The following AUTS2 variants were observed in gnomAD, a reference collection of about 807,000 sequenced individuals.
AUTS2 encodes autism susceptibility gene 2 protein.
In AUTS2, 17 loss-of-function variants were observed where a neutral mutation model predicts 112.4. The ratio of observed to expected loss-of-function variants is 0.15; its 90% confidence interval spans 0.10 to 0.23. AUTS2 has a LOEUF of 0.23. AUTS2 is among the 10% of genes least tolerant of loss of function. AUTS2 has a pLI of 1.00. For missense variants in AUTS2, 1,510 were observed against 1,701.6 expected, an observed-to-expected ratio of 0.89 and a Z score of 1.98; for synonymous variants, 751 against 702.7, an observed-to-expected ratio of 1.07 and a Z score of -1.09.
At chr7:70,100,916 C>A (rs1208456229) in intron 2 of AUTS2, among the ~76,000 whole-genome samples, 1 of 152,072 alleles carries the variant, frequency 6.6e-6, no homozygotes, top group Non-Finnish European at 1.5e-5. Context: ...CTCCTTCTAT[C>A]CCCCAGGCTG....
intron 4 of AUTS2, among the ~76,000 whole-genome samples, chr7:70,257,232 C>T (rs1180950597): frequency 1.3e-5 from 2 of 152,170 alleles, no homozygotes; most frequent in Middle Eastern, 3.2e-3. Flanking sequence ...CCTCGACCTC[C>T]TGGACTCAAG....
chr7:70,177,154 A>C (rs1016714253), intron 4 of AUTS2, among the ~76,000 whole-genome samples: 6 of 152,168 alleles, frequency 3.9e-5, no homozygotes, highest in Admixed American at 2.6e-4. Flanking sequence ...TAAATTTTCA[A>C]ATTTTATAAA....
At chr7:69,899,186 A>G in intron 1 of AUTS2, 100 bp from the exon 2 acceptor site, 1 of 848,536 alleles carries the variant, frequency 1.2e-6, no homozygotes, top group Non-Finnish European at 1.9e-6. Flanking sequence ...TCCCTCTCCC[A>G]CTTAGTAGTA....
intron 2 of AUTS2, among the ~76,000 whole-genome samples, chr7:69,937,089 G>C (rs1030651368): frequency 2.0e-5 from 3 of 152,116 alleles, no homozygotes; most frequent in African/African-American, 7.2e-5. Context: ...GATGTGGAGT[G>C]GCCAGATGAC....
intron 2 of AUTS2, among the ~76,000 whole-genome samples, chr7:69,949,606 A>G (rs756063197): frequency 6.6e-6 from 1 of 152,230 alleles, no homozygotes; most frequent in Non-Finnish European, 1.5e-5. Context: ...TATATAGTCT[A>G]AACTTAGATT....
chr7:69,841,060 A>T (rs1379053778), intron 1 of AUTS2, among the ~76,000 whole-genome samples: 1 of 152,168 alleles, frequency 6.6e-6, no homozygotes, highest in East Asian at 1.9e-4. Flanking sequence ...ACTTAGCATC[A>T]CAGTGGTAGG....
chr7:70,126,634 C>T (rs1805984424), intron 3 of AUTS2, among the ~76,000 whole-genome samples: 2 of 152,062 alleles, frequency 1.3e-5, no homozygotes. Flanking sequence ...ATATTGCTTC[C>T]AACTTAAACA....
chr7:70,410,402 A>T (rs757432419), intron 4 of AUTS2, among the ~76,000 whole-genome samples: 16 of 96,758 alleles, frequency 1.7e-4, no homozygotes, highest in African/African-American at 7.0e-4. Context: ...TTTGTCTTTT[A>T]TTTATTTATT....
Position 70,517,357 on chromosome 7 carries a change from A to G in AUTS2, c.690+81576A>G, listed in dbSNP as rs190639831. On this transcript the variant is annotated intron_variant, in intron 5 of 18. Transcript: ENST00000342771. The stretch of plus-strand genomic sequence containing the variant: ...TGGTACATGGGTTTGGTGGTATCAG[A>G]TAAGTGAACTGACACCTGAATCTTA... Among the ~76,000 whole-genome samples, 6 of 152,254 alleles carry G rather than the reference A, an allele frequency of 3.9e-5. No individual in the cohort carries two copies. In the East Asian group the frequency reaches 1.2e-3, roughly 29 times the overall value.
At chr7:70,706,408 T>G (rs954448605) in intron 6 of AUTS2, among the ~76,000 whole-genome samples, 3 of 152,044 alleles carry the variant, frequency 2.0e-5, no homozygotes, top group Admixed American at 2.0e-4. Flanking sequence ...GGAAGTAAAC[T>G]CCTACAGGGA....
At chr7:69,833,439 A>AT (rs201306719) in intron 1 of AUTS2, among the ~76,000 whole-genome samples, 5 of 151,378 alleles carry the variant, frequency 3.3e-5, no homozygotes, top group African/African-American at 7.3e-5. Flanking sequence ...TATTATCTCA[A>AT]TTTTTTTTTC....
intron 5 of AUTS2, among the ~76,000 whole-genome samples, chr7:70,476,350 C>T (rs1797582471): frequency 6.6e-6 from 1 of 152,136 alleles, no homozygotes; most frequent in South Asian, 2.1e-4. Context: ...TCTTGCTTCT[C>T]TCTCATTACC....
chr7:69,763,051 GT>G (rs1788263220), intron 1 of AUTS2, among the ~76,000 whole-genome samples: 1 of 152,194 alleles, frequency 6.6e-6, no homozygotes, highest in Admixed American at 6.5e-5. Flanking sequence ...TGAAACACTG[GT>G]TTTATTTTCA....
chr7:69,921,762 T>TAAAAAAAAAAA (rs35008506), intron 2 of AUTS2, among the ~76,000 whole-genome samples: 1 of 100,554 alleles, frequency 9.9e-6, no homozygotes, highest in Non-Finnish European at 2.0e-5. Context: ...ACTCTGTCTT[T>TAAAAAAAAAAA]AAAAAAAAAA....
chr7:70,274,985 A>C (rs1037250055), intron 4 of AUTS2, among the ~76,000 whole-genome samples: 51 of 152,248 alleles, frequency 3.3e-4, no homozygotes, highest in African/African-American at 1.0e-3. Context: ...AAGTGGAAAC[A>C]GTCCACATGT....
At chr7:70,747,676 G>A (rs1788541620) in intron 6 of AUTS2, among the ~76,000 whole-genome samples, 2 of 151,278 alleles carry the variant, frequency 1.3e-5, no homozygotes, top group Admixed American at 6.6e-5. Context: ...TAGTAGAGAT[G>A]GGGTTTCGCT....
intron 2 of AUTS2, among the ~76,000 whole-genome samples, chr7:70,082,440 T>G (rs769241218): frequency 2.0e-5 from 3 of 152,218 alleles, no homozygotes; most frequent in Non-Finnish European, 4.4e-5. Flanking sequence ...GCATATGTTT[T>G]TTAAATATTT....
chr7:70,713,303 G>A (rs1341484516), intron 6 of AUTS2, among the ~76,000 whole-genome samples: 2 of 152,228 alleles, frequency 1.3e-5, no homozygotes, highest in Non-Finnish European at 2.9e-5. Flanking sequence ...TGTAAACAAA[G>A]TACTGTGTTA....
chr7:69,985,227 T>TAAAAAA (rs71068005), intron 2 of AUTS2, among the ~76,000 whole-genome samples: 1 of 104,710 alleles, frequency 9.6e-6, no homozygotes, highest in African/African-American at 3.7e-5. Context: ...GAAGACTCTC[T>TAAAAAA]AAAAAAAAAA....
Sources: allele counts gnomAD v4.1 joint callset (sites outside exome capture counted in the v4.1 genomes callset), GRCh38; gene constraint gnomAD v4.1.1; transcripts MANE v1.5; gene names NCBI Gene and HGNC (gene_info 2026-07-23, HGNC 2026-07-21).